MYO15A: variants seen among roughly 807,000 people sequenced by gnomAD.
The protein encoded by MYO15A is myosin XVA, also known as unconventional myosin-XV.
A neutral mutation model predicts 394.6 loss-of-function variants in MYO15A; 308 were observed. The observed-to-expected ratio is 0.78, with a 90% CI of 0.71 to 0.86. MYO15A has a LOEUF of 0.86. Ranked by LOEUF, MYO15A falls within the 40% of genes least tolerant of loss-of-function variation. The pLI, the probability that MYO15A is intolerant of heterozygous loss-of-function variation, is 0.00. For missense variants in MYO15A, 4,606 were observed against 4,799.1 expected, an observed-to-expected ratio of 0.96 and a Z score of 1.19; for synonymous variants, 1,957 against 2,003.8, an observed-to-expected ratio of 0.98 and a Z score of 0.62.
chr17:18,133,201 C>T, intron 11 of MYO15A, 24 bp from the exon 12 acceptor site: 2 of 1,613,188 alleles, frequency 1.2e-6, no homozygotes, highest in Non-Finnish European at 1.7e-6. Context: ...AGCTCCCTGA[C>T]CCTCAGCCTC....
chr17:18,172,432 CCT>C, intron 64 of MYO15A, 142 bp downstream of exon 64: 1 of 1,257,118 alleles, frequency 8.0e-7, no homozygotes, highest in Non-Finnish European at 1.1e-6. Context: ...TCTCTTCCCT[CCT>C]CTGAGCCTTG....
Position 18,132,716 on chromosome 17 carries a change from G to C in MYO15A, c.4320+150G>C, listed in dbSNP as rs923822639. The stretch of plus-strand genomic sequence containing the variant: ...GAGTTTGGATTTAAGACATCTCATG[G>C]CAGTGAGGGGGACCAGGAGTCTTCT... On this transcript the variant is annotated intron_variant, in intron 11 of 65. Transcript: ENST00000647165. This position sits in a 1 kb window ranked among gnomAD's most constrained non-coding sequence, Gnocchi z 4.6. 2.3e-5 allele frequency: 16 copies of C among 697,036 alleles called. No homozygotes were observed. Among genetic ancestry groups the C allele is most frequent in the Non-Finnish European group, 3.6e-5 (14 of 394,222 alleles). 43.2% of individuals were successfully genotyped at this position (697,036 alleles called of 1,614,324 possible).
intron 64 of MYO15A, chr17:18,172,869 T>C (rs1428553139): frequency 5.7e-6 from 1 of 176,892 alleles, no homozygotes; most frequent in Non-Finnish European, 1.2e-5. Context: ...TCTGAGGCAC[T>C]GGGAGTTAGG....
intron 29 of MYO15A, among the ~76,000 whole-genome samples, chr17:18,145,134 G>A (rs1476891056): frequency 2.0e-5 from 3 of 152,174 alleles, no homozygotes; most frequent in Non-Finnish European, 4.4e-5. Context: ...GGCCAGTGAG[G>A]CCTTGATTAC....
At chr17:18,112,500 A>G (rs1422788836) in intron 1 of MYO15A, among the ~76,000 whole-genome samples, 1 of 151,972 alleles carries the variant, frequency 6.6e-6, no homozygotes. Context: ...AGTTCAAGTG[A>G]TTCTTCTGCC....
At chr17:18,162,522 A>G in intron 57 of MYO15A, 63 bp from the exon 58 acceptor site, 1 of 1,472,400 alleles carries the variant, frequency 6.8e-7, no homozygotes. Context: ...TGGTGGCAAG[A>G]GGAGCGAGCC....
chr17:18,149,226 A>G lies in MYO15A; in HGVS notation c.6967A>G (p.Asn2323Asp), dbSNP rs372602251. ...SRGGPKVVFG[N>D]SWDSDEDMST... ...TCCTTTTCTCCACAGGGTGTTTGGG[A>G]ACAGCTGGGACTCGGATGAGGACAT... is the stretch of plus-strand genomic sequence containing the variant. Residue 2323 changes from asparagine to aspartate, a missense_variant, in exon 34 of 66, where the codon AAC (asparagine) becomes GAC (aspartate). This residue lies in a region of MYO15A where 2,776 missense variants were observed against 3,109.3 expected (regional missense o/e 0.89). Coordinates refer to ENST00000647165, the MANE Select transcript of MYO15A (RefSeq NM_016239.4). 54 of 1,613,856 alleles carry G rather than the reference A, an allele frequency of 3.3e-5. No individual in the cohort carries two copies. Among genetic ancestry groups the G allele is most frequent in the Non-Finnish European group, 4.5e-5 (53 of 1,179,942 alleles).
chr17:18,159,095 C>G, intron 53 of MYO15A, 98 bp downstream of exon 53: 2 of 1,419,662 alleles, frequency 1.4e-6, no homozygotes, highest in Non-Finnish European at 2.0e-6. Flanking sequence ...CTCAGTGAGA[C>G]CCTCTGATTC....
intron 56 of MYO15A, 101 bp downstream of exon 56, chr17:18,160,118 T>C: frequency 8.8e-7 from 1 of 1,141,726 alleles, no homozygotes; most frequent in Non-Finnish European, 1.3e-6. Context: ...CCCTCCTGGA[T>C]TATCTTCCTC....
intron 65 of MYO15A, 161 bp from the exon 66 acceptor site, chr17:18,178,608 T>G: frequency 1.3e-5 from 10 of 748,934 alleles, no homozygotes; most frequent in South Asian, 8.8e-5. Flanking sequence ...CTTCCAGCTC[T>G]TCATGCTCCT....
intron 4 of MYO15A, 54 bp from the exon 5 acceptor site, chr17:18,126,293 G>A: frequency 7.1e-7 from 1 of 1,402,946 alleles, no homozygotes; most frequent in South Asian, 1.2e-5. Flanking sequence ...GGGGAGGGAG[G>A]GACATAGAGG....
Position 18,120,133 on chromosome 17 carries a change from C to A in MYO15A, c.1333C>A (p.Arg445Ser). The A allele has an allele frequency of 1.9e-6, 3 of 1,612,970 alleles. No homozygotes were observed. The highest frequency in any genetic ancestry group is 2.5e-6 in the Non-Finnish European group (3 of 1,179,934). Residue 445 changes from arginine (R) to serine (S), a missense_variant, in exon 2 of 66, where the codon CGT (arginine) becomes AGT (serine). Arg to Ser is a moderately radical substitution (Grantham distance 110). Transcript: ENST00000647165. ...LEEPEDAGVE[R>S]QGTSFRLPSA... ...GGAACCAGAGGACGCGGGCGTAGAG[C>A]GTCAGGGGACCTCCTTCCGCCTGCC...
intron 65 of MYO15A, chr17:18,178,126 C>G (rs984897083): frequency 1.3e-5 from 2 of 157,248 alleles, no homozygotes; most frequent in African/African-American, 4.8e-5. Flanking sequence ...AATCCCAGCA[C>G]TTTGGGAGGC....
rs2046537381 is a variant in MYO15A at position 18,149,273 on chromosome 17, G to C, written c.7014G>C (p.Gln2338His). 6.2e-7 allele frequency: 1 copy of C among 1,613,896 alleles called. No individual in the cohort carries two copies. The highest frequency in any genetic ancestry group is 8.5e-7 in the Non-Finnish European group (1 of 1,179,990). Residue 2338 changes from glutamine (Q) to histidine (H), a missense_variant, in exon 34 of 66, where the codon CAG (glutamine) becomes CAC (histidine). Transcript: ENST00000647165. ...ACATGTCCACTAGACCCCAGCCCCA[G>C]GAGCACATGCCCAAAGTACTTGACT... ...DEDMSTRPQP[Q>H]EHMPKVLDSD...
intron 12 of MYO15A, 126 bp from the exon 13 acceptor site, chr17:18,135,585 C>CCCG: frequency 1.2e-6 from 1 of 852,790 alleles, no homozygotes; most frequent in Non-Finnish European, 1.9e-6. Context: ...AGGTGATCCA[C>CCCG]CCGCCTCAGC....
chr17:18,159,004 A>G lies in MYO15A; in HGVS notation c.9156+7A>G. 6.2e-7 allele frequency: 1 copy of G among 1,613,604 alleles called. No individual in the cohort carries two copies. ...CATGCTTTGCTTCACCAAGGTGTCC[A>G]GTCCCGGACCTCAGTTTCCCCATCT... On this transcript the variant is annotated splice_region_variant and intron_variant, in intron 53 of 65. Transcript: ENST00000647165.
chr17:18,160,146 C>A, intron 56 of MYO15A, 129 bp downstream of exon 56: 1 of 861,564 alleles, frequency 1.2e-6, no homozygotes, highest in Non-Finnish European at 1.9e-6. Context: ...CATCCTCACT[C>A]AATAGAGCAC....
At chr17:18,138,732 G>A in intron 17 of MYO15A, 79 bp from the exon 18 acceptor site, 2 of 1,569,102 alleles carry the variant, frequency 1.3e-6, no homozygotes, top group East Asian at 2.3e-5. Flanking sequence ...GAGCAGTCGG[G>A]GATAGTGAGG....
chr17:18,139,668 AC>A, intron 19 of MYO15A, 57 bp downstream of exon 19: 1 of 1,583,246 alleles, frequency 6.3e-7, no homozygotes, highest in East Asian at 2.2e-5. Context: ...CCACCCCCAC[AC>A]CCAGCCTGCC....
Sources: gnomAD v4.1 joint callset for allele counts (sites outside exome capture counted in the v4.1 genomes callset) on GRCh38, gnomAD v4.1.1 for gene constraint, gnomAD v4.1.1 regional missense constraint, Gnocchi (gnomAD v3.1) non-coding constraint, MANE v1.5 for transcripts, NCBI Gene and HGNC (gene_info 2026-07-23, HGNC 2026-07-21) for gene names.